Variants in SAMMSON observed in about 807,000 individuals in gnomAD.
SAMMSON encodes survival associated mitochondrial melanoma specific oncogenic non-coding RNA.
intron 4 of SAMMSON, among the ~76,000 whole-genome samples, chr3:70,200,654 A>T (rs1436093995): frequency 6.6e-6 from 1 of 152,178 alleles, no homozygotes; most frequent in African/African-American, 2.4e-5. Context: ...CATGAAACTA[A>T]TTAGTTTGTT....
chr3:70,173,673 CG>C (rs1700980305), intron 4 of SAMMSON, among the ~76,000 whole-genome samples: 1 of 151,828 alleles, frequency 6.6e-6, no homozygotes, highest in Non-Finnish European at 1.5e-5. Context: ...ACAATGATCA[CG>C]AGCCAAAATG....
chr3:70,023,761 A>G (rs1190188746), intron 3 of SAMMSON, among the ~76,000 whole-genome samples: 2 of 152,200 alleles, frequency 1.3e-5, no homozygotes, highest in African/African-American at 2.4e-5. Flanking sequence ...AGCTCTTGCC[A>G]TGTCCATTTC....
At chr3:70,383,078 A>G (rs1259528944) in intron 9 of SAMMSON, among the ~76,000 whole-genome samples, 6 of 152,106 alleles carry the variant, frequency 3.9e-5, no homozygotes, top group Non-Finnish European at 5.9e-5. Flanking sequence ...ACTTCCCTTC[A>G]TAACTCCTTC....
chr3:70,349,546 G>C (rs749764177), intron 7 of SAMMSON, among the ~76,000 whole-genome samples: 1 of 152,118 alleles, frequency 6.6e-6, no homozygotes, highest in Non-Finnish European at 1.5e-5. Context: ...ACTATAATGA[G>C]GGGTATTGAT....
intron 3 of SAMMSON, chr3:70,069,830 C>A (rs1480711372): frequency 6.6e-6 from 1 of 152,066 alleles, no homozygotes; most frequent in African/African-American, 2.4e-5. Flanking sequence ...GACAACTAAA[C>A]TTTACTGCTG....
intron 6 of SAMMSON, among the ~76,000 whole-genome samples, chr3:70,251,067 G>A (rs897892399): frequency 1.4e-4 from 22 of 152,224 alleles, no homozygotes; most frequent in African/African-American, 3.9e-4. Flanking sequence ...CGGTTGAATC[G>A]TATTCATTAA....
chr3:70,173,762 GT>G (rs1346995305), intron 4 of SAMMSON, among the ~76,000 whole-genome samples: 1 of 151,672 alleles, frequency 6.6e-6, no homozygotes, highest in African/African-American at 2.4e-5. Flanking sequence ...TCTCTATTTA[GT>G]TTTTTTCTTT....
At chr3:70,125,291 T>C (rs1576128335) in intron 4 of SAMMSON, 1 of 1,300,740 alleles carries the variant, frequency 7.7e-7, no homozygotes, top group Non-Finnish European at 1.1e-6. Flanking sequence ...AAAGTCAACA[T>C]ATCTTCCAAA....
At chr3:70,287,776 T>G (rs1029644734) in intron 6 of SAMMSON, among the ~76,000 whole-genome samples, 4 of 150,480 alleles carry the variant, frequency 2.7e-5, no homozygotes, top group Non-Finnish European at 5.9e-5. Flanking sequence ...TTCTTCCTGG[T>G]TTAGTCTTGG....
intron 3 of SAMMSON, among the ~76,000 whole-genome samples, chr3:70,019,258 G>T (rs2067000179): frequency 6.6e-6 from 1 of 152,150 alleles, no homozygotes; most frequent in Non-Finnish European, 1.5e-5. Flanking sequence ...TTATGAATCT[G>T]GGTGCTCCTG....
intron 3 of SAMMSON, chr3:70,014,603 C>A (rs1279852029): frequency 1.3e-5 from 2 of 152,166 alleles, no homozygotes; most frequent in African/African-American, 4.8e-5. Flanking sequence ...AAAAGAGGCA[C>A]CTGCCTGTGC....
At chr3:70,043,278 G>A (rs774568379) in intron 3 of SAMMSON, among the ~76,000 whole-genome samples, 3 of 151,964 alleles carry the variant, frequency 2.0e-5, no homozygotes, top group East Asian at 1.9e-4. Flanking sequence ...TGCATCTCAC[G>A]CATCCGTCTT....
At chr3:70,122,971 C>T (rs192946683) in intron 4 of SAMMSON, among the ~76,000 whole-genome samples, 1 of 152,292 alleles carries the variant, frequency 6.6e-6, no homozygotes, top group African/African-American at 2.4e-5. Context: ...GTGAGGAATG[C>T]TCTCCTTGTG....
intron 4 of SAMMSON, among the ~76,000 whole-genome samples, chr3:70,233,393 G>T (rs1179704076): frequency 6.6e-6 from 1 of 152,096 alleles, no homozygotes; most frequent in Admixed American, 6.5e-5. Context: ...TCACAATACA[G>T]GTATCTAATA....
chr3:70,013,653 A>G (rs1207329756), exon 3 of SAMMSON: 1 of 152,212 alleles, frequency 6.6e-6, no homozygotes, highest in African/African-American at 2.4e-5. Flanking sequence ...ATCCTCCTGG[A>G]AAGTCAACTT....
At chr3:70,035,012 A>C (rs2067080140) in intron 3 of SAMMSON, among the ~76,000 whole-genome samples, 1 of 152,326 alleles carries the variant, frequency 6.6e-6, no homozygotes, top group African/African-American at 2.4e-5. Context: ...TATATAGATC[A>C]GAAGTCTGAG....
At chr3:70,221,172 C>T (rs939371872) in intron 4 of SAMMSON, among the ~76,000 whole-genome samples, 3 of 152,106 alleles carry the variant, frequency 2.0e-5, no homozygotes, top group Admixed American at 6.6e-5. Context: ...CCGTAGATGT[C>T]AGTGAGTTTC....
intron 3 of SAMMSON, chr3:70,065,187 G>A (rs1222270388): frequency 6.6e-6 from 1 of 151,872 alleles, no homozygotes; most frequent in Non-Finnish European, 1.5e-5. Context: ...TTATTATCAT[G>A]TAGTTATTAG....
In SAMMSON at chr3:70,357,256, A is replaced by G. The variant is rs185690133; in HGVS notation, n.843-998A>G. 2.0e-5 allele frequency among the ~76,000 whole-genome samples: 3 copies of G among 152,280 alleles called. No homozygotes were observed. In the East Asian group the frequency reaches 5.8e-4, roughly 29 times the overall value. On this transcript the variant is annotated intron_variant and non_coding_transcript_variant, in intron 8 of 9. Coordinates refer to ENST00000642114, the Ensembl canonical transcript of SAMMSON. Reference sequence around the variant, plus strand: ...GTTTTCCTGATTATGTAAAGGAAAAAGTCTCAATGAGTGCTAATGTGTTTT... The same window carrying G: ...GTTTTCCTGATTATGTAAAGGAAAAGGTCTCAATGAGTGCTAATGTGTTTT...
Sources: allele counts gnomAD v4.1 joint callset (sites outside exome capture counted in the v4.1 genomes callset), GRCh38; gene constraint gnomAD v4.1.1; transcripts MANE v1.5; gene names NCBI Gene and HGNC (gene_info 2026-07-23, HGNC 2026-07-21).